Variants in DAP3 observed in about 807,000 individuals in gnomAD.
DAP3 encodes the protein small ribosomal subunit protein mS29.
A neutral mutation model predicts 51.9 loss-of-function variants in DAP3; 28 were observed. The ratio of observed to expected loss-of-function variants is 0.54; its 90% CI spans 0.40 to 0.74. The LOEUF (loss-of-function observed/expected upper bound fraction) is 0.74, where lower values mean the gene tolerates loss of function less well. Ranked by LOEUF, DAP3 falls within the 30% of genes least tolerant of loss-of-function variation. The probability of loss-of-function intolerance (pLI) is 0.00; values close to 1 mark genes in which losing one functional copy is unlikely to be tolerated. For synonymous variants in DAP3, 170 were observed against 170.3 expected (o/e 1.00, Z 0.01); for missense variants, 458 against 483.5 (o/e 0.95, Z 0.49).
upstream of DAP3, chr1:155,688,556 C>G (rs1039306078): frequency 1.0e-5 from 16 of 1,538,526 alleles, no homozygotes; most frequent in Middle Eastern, 1.7e-4. Context: ...GTCCTGCGAG[C>G]CAGCCATCCC....
intron 1 of DAP3, 92 bp downstream of exon 1, chr1:155,689,266 C>T (rs1038260687): frequency 1.5e-5 from 10 of 662,710 alleles, no homozygotes; most frequent in African/African-American, 5.3e-5. Context: ...GCCGGTAGAC[C>T]GGCGCGCCTC....
At chr1:155,713,423 A>C (rs758662390) in intron 2 of DAP3, among the ~76,000 whole-genome samples, 3 of 152,232 alleles carry the variant, frequency 2.0e-5, no homozygotes, top group Non-Finnish European at 4.4e-5. Context: ...TCTACAAGTA[A>C]TGGTTCAGAA....
intron 1 of DAP3, among the ~76,000 whole-genome samples, chr1:155,703,905 T>A (rs899414179): frequency 1.1e-4 from 16 of 152,178 alleles, no homozygotes; most frequent in African/African-American, 3.9e-4. Flanking sequence ...CTCAGCACTT[T>A]GCGAGGCTAG....
chr1:155,735,071 T>C (rs929370266), intron 11 of DAP3, among the ~76,000 whole-genome samples: 14 of 139,556 alleles, frequency 1.0e-4, no homozygotes, highest in Non-Finnish European at 1.7e-4. Context: ...TAGACCGGCC[T>C]GGCCAACATG....
intron 1 of DAP3, among the ~76,000 whole-genome samples, chr1:155,702,737 G>A (rs1655467238): frequency 6.6e-6 from 1 of 152,168 alleles, no homozygotes; most frequent in Admixed American, 6.5e-5. Context: ...TTGGGAGGCT[G>A]AGGCTGGTGG....
upstream of DAP3, chr1:155,688,319 T>C (rs756073452): frequency 6.4e-7 from 1 of 1,557,606 alleles, no homozygotes; most frequent in Non-Finnish European, 8.7e-7. Context: ...GAACCCAAAA[T>C]GGCGGCGGCA....
upstream of DAP3, chr1:155,688,609 T>G: frequency 6.5e-7 from 1 of 1,534,104 alleles, no homozygotes; most frequent in Non-Finnish European, 8.7e-7. Flanking sequence ...AGTTCTCCAC[T>G]CCCCCTCAGA....
chr1:155,688,408 A>T (rs955953653), upstream of DAP3: 7 of 1,541,584 alleles, frequency 4.5e-6, no homozygotes, highest in African/African-American at 8.3e-5. Context: ...CCAACCTCCC[A>T]CTCCTCCCTC....
At chr1:155,698,007 T>C (rs1486809368) in intron 1 of DAP3, among the ~76,000 whole-genome samples, 1 of 152,226 alleles carries the variant, frequency 6.6e-6, no homozygotes, top group Non-Finnish European at 1.5e-5. Flanking sequence ...AGAAGAGAAA[T>C]ATGACTCTGT....
intron 4 of DAP3, among the ~76,000 whole-genome samples, chr1:155,723,028 C>T (rs1349506549): frequency 1.3e-5 from 2 of 152,044 alleles, no homozygotes; most frequent in African/African-American, 4.8e-5. Flanking sequence ...TACTTCCTCA[C>T]CATTGTTTGT....
chr1:155,710,999 C>G (rs1656625820), intron 2 of DAP3, among the ~76,000 whole-genome samples: 1 of 152,108 alleles, frequency 6.6e-6, no homozygotes, highest in Admixed American at 6.6e-5. Context: ...TGGTCATTTT[C>G]AGCTGATTAT....
intron 1 of DAP3, among the ~76,000 whole-genome samples, chr1:155,706,782 TAAAG>T (rs1202396547): frequency 1.2e-4 from 18 of 151,292 alleles, no homozygotes; most frequent in Middle Eastern, 3.4e-3. Context: ...TAAAATAAAA[TAAAG>T]AAAGGTGAAA....
At chr1:155,688,708 C>A, upstream of DAP3, 1 of 1,522,294 alleles carries the variant, frequency 6.6e-7, no homozygotes, top group East Asian at 2.4e-5. Flanking sequence ...CTCTCCTCCC[C>A]CTCCCTCCCC....
rs1315541313 is a variant in DAP3 at position 155,689,124 on chromosome 1, C to T, written c.-58C>T. 3 of 1,067,480 alleles carry T rather than the reference C, an allele frequency of 2.8e-6. No individual in the cohort carries two copies. Among genetic ancestry groups the T allele is most frequent in the Admixed American group, 2.1e-5 (1 of 47,334 alleles). The allele number at this position is 1,067,480 out of a possible 1,614,324, so 66.1% of individuals were successfully genotyped here. On this transcript the variant is annotated 5_prime_UTR_variant, in exon 1 of 13. Transcript: ENST00000368336. The stretch of plus-strand genomic sequence containing the variant: ...AGGACGGGCGCTTTGGAGCCGGCCC[C>T]AGGCAGCGTGTGTCGGTCGCCTAGT...
At chr1:155,719,571 C>T (rs1040612928) in intron 3 of DAP3, among the ~76,000 whole-genome samples, 3 of 148,160 alleles carry the variant, frequency 2.0e-5, no homozygotes, top group Non-Finnish European at 4.5e-5. Context: ...TTTTTTTAGA[C>T]GGAGCCTTGC....
At chr1:155,720,432 C>T (rs1345405582) in intron 3 of DAP3, among the ~76,000 whole-genome samples, 1 of 145,074 alleles carries the variant, frequency 6.9e-6, no homozygotes, top group Non-Finnish European at 1.5e-5. Flanking sequence ...CACTTGAGGT[C>T]GGGAGTTCAA....
chr1:155,688,808 C>G (rs1653178147), upstream of DAP3: 5 of 1,558,192 alleles, frequency 3.2e-6, no homozygotes, highest in East Asian at 1.2e-4. Context: ...CAGTCCCCAC[C>G]GCGGGACTGT....
At chr1:155,713,668 G>GT (rs1405479259) in intron 2 of DAP3, among the ~76,000 whole-genome samples, 1 of 152,102 alleles carries the variant, frequency 6.6e-6, no homozygotes, top group Non-Finnish European at 1.5e-5. Flanking sequence ...ACATGATACA[G>GT]TTTTTTTAAA....
At chr1:155,720,264 T>C (rs1430665772) in intron 3 of DAP3, among the ~76,000 whole-genome samples, 1 of 131,250 alleles carries the variant, frequency 7.6e-6, no homozygotes, top group Non-Finnish European at 1.5e-5. Flanking sequence ...ATTGGAGGCC[T>C]CAGTGAGCCG....
Sources: gnomAD v4.1 joint callset for allele counts (sites outside exome capture counted in the v4.1 genomes callset) on GRCh38, gnomAD v4.1.1 for gene constraint, MANE v1.5 for transcripts, NCBI Gene and HGNC (gene_info 2026-07-23, HGNC 2026-07-21) for gene names.